BABAM1: variants seen among roughly 807,000 people sequenced by gnomAD.
The protein encoded by BABAM1 is BRISC and BRCA1 A complex member 1.
Under a neutral mutation model 34.4 loss-of-function variants are expected in BABAM1, and 14 were observed. That is an observed-to-expected ratio of 0.41 (90% CI 0.27 to 0.64). The LOEUF is 0.64. Among genes scored for constraint, BABAM1 ranks in the 30% least tolerant of loss-of-function variants. The probability of loss-of-function intolerance (pLI) is 0.34; values close to 1 mark genes in which losing one functional copy is unlikely to be tolerated. For missense variants in BABAM1, 393 were observed against 434.0 expected (o/e 0.91, Z 0.84); for synonymous variants, 169 against 165.8 (o/e 1.02, Z -0.15).
rs370409652 is a variant in BABAM1 at position 17,268,799 on chromosome 19, C to T, written c.-8C>T. 4.5e-5 allele frequency: 72 copies of T among 1,595,554 alleles called. No homozygotes were observed. The highest frequency in any genetic ancestry group is 6.0e-5 in the Non-Finnish European group (70 of 1,169,476). Reference sequence around the variant, plus strand: ...CCTGTCCGTGTTCCATCTAGCCACACAGGAGCCATGGAAGTGGCAGAGCCC... The same window carrying T: ...CCTGTCCGTGTTCCATCTAGCCACATAGGAGCCATGGAAGTGGCAGAGCCC... On this transcript the variant is annotated 5_prime_UTR_variant, in exon 2 of 9. Transcript: ENST00000598188.
At chr19:17,270,163 C>T (rs966085757) in intron 2 of BABAM1, among the ~76,000 whole-genome samples, 7 of 152,024 alleles carry the variant, frequency 4.6e-5, no homozygotes, top group Admixed American at 3.9e-4. Flanking sequence ...GATCTCTTGA[C>T]CTCGTGATCC....
chr19:17,270,399 T>G (rs1048855799), intron 2 of BABAM1, among the ~76,000 whole-genome samples: 7 of 152,114 alleles, frequency 4.6e-5, no homozygotes, highest in Non-Finnish European at 7.4e-5. Flanking sequence ...CCTTTCTCAC[T>G]GTGTCTCTGT....
chr19:17,272,846 C>T (rs966627853), intron 3 of BABAM1, among the ~76,000 whole-genome samples: 2 of 152,074 alleles, frequency 1.3e-5, no homozygotes, highest in African/African-American at 4.8e-5. Flanking sequence ...GTGAAACCCC[C>T]ACCTCCACTA....
intron 8 of BABAM1, among the ~76,000 whole-genome samples, chr19:17,277,989 AC>A (rs2145626912): frequency 6.6e-6 from 1 of 151,738 alleles, no homozygotes; most frequent in Admixed American, 6.6e-5. Context: ...AGCCTGACCA[AC>A]ATGGAGAAAC....
At chr19:17,271,501 C>A in intron 2 of BABAM1, 96 bp from the exon 3 acceptor site, 1 of 1,383,362 alleles carries the variant, frequency 7.2e-7, no homozygotes, top group Non-Finnish European at 1.0e-6. Flanking sequence ...CACCATACTG[C>A]CTTTTCAGAC....
rs142054713 is a variant in BABAM1 at position 17,274,456 on chromosome 19, G to T, written c.544+271G>T. The T allele has an allele frequency of 2.5e-3, 1,137 of 446,892 alleles. 8 individuals are homozygous for T. Among genetic ancestry groups the T allele is most frequent in the African/African-American group, 0.018 (891 of 50,444 alleles). 27.7% of individuals were successfully genotyped at this position (446,892 alleles called of 1,614,324 possible). On this transcript the variant is annotated intron_variant, in intron 5 of 8. Transcript: ENST00000598188. The stretch of plus-strand genomic sequence containing the variant: ...GGTGGTCCATGCCTATAATCCCAGC[G>T]ACTTGCGAGGCTGAGGCACAAGAAT...
chr19:17,278,832 G>A lies in BABAM1; in HGVS notation c.787-13G>A, dbSNP rs368065543. The A allele has an allele frequency of 3.9e-5, 63 of 1,607,308 alleles. No homozygotes were observed. The highest frequency in any genetic ancestry group is 3.4e-4 in the Admixed American group (20 of 59,192). On this transcript the variant is annotated splice_polypyrimidine_tract_variant and intron_variant, in intron 8 of 8. Transcript: ENST00000598188. ...CCTGAACAGCCCTTCACTGACCCCC[G>A]CCTCCCCGGCAGGATATGTTTGCCT...
chr19:17,267,702 C>T (rs561832960), intron 1 of BABAM1, among the ~76,000 whole-genome samples, 175 bp downstream of exon 1: 270 of 152,280 alleles, frequency 1.8e-3, no homozygotes, highest in African/African-American at 6.2e-3. Flanking sequence ...GGTGTGGGGA[C>T]TGCAAGGCGC....
intron 8 of BABAM1, chr19:17,277,365 T>A (rs139467293): frequency 0.016 from 2,615 of 160,164 alleles, 73 homozygotes; most frequent in African/African-American, 0.06. Flanking sequence ...TCATACCAGG[T>A]TAATTTTTGT....
chr19:17,275,724 T>C (rs2073900250), intron 5 of BABAM1, 77 bp from the exon 6 acceptor site: 1 of 1,591,282 alleles, frequency 6.3e-7, no homozygotes, highest in Non-Finnish European at 8.6e-7. Flanking sequence ...GGGTCTCCTC[T>C]GGTATCGGGA....
Position 17,279,144 on chromosome 19 carries a change from G to A in BABAM1, c.*96G>A. 7.3e-7 allele frequency: 1 copy of A among 1,361,880 alleles called. No homozygotes were observed. 84.4% of individuals were successfully genotyped at this position (1,361,880 alleles called of 1,614,324 possible). On this transcript the variant is annotated 3_prime_UTR_variant, in exon 9 of 9. Transcript: ENST00000598188. ...GTTCCTTGGGACCTCCGGGGTGGGGGGGTTCCAGGAGGCACGTAGGGTACC... is the reference window on the plus strand; with the variant it reads ...GTTCCTTGGGACCTCCGGGGTGGGGAGGTTCCAGGAGGCACGTAGGGTACC...
At position 17,278,896 on chromosome 19, in the gene BABAM1, T is replaced by G. The variant is rs1211116415; in HGVS notation, c.838T>G (p.Tyr280Asp). The change falls in exon 9 of 9, where the codon TAT becomes GAT. Residue 280 changes from tyrosine to aspartate, a missense_variant. Tyr to Asp is a radical substitution (Grantham distance 160). Transcript: ENST00000598188. ...SLDTKGTSYKYEVALAGPALE... is the reference protein window; with the variant it reads ...SLDTKGTSYKDEVALAGPALE... ...GGATACCAAGGGTACCAGCTACAAG[T>G]ATGAGGTGGCACTGGCTGGGCCAGC... 1 of 1,613,598 alleles carries G rather than the reference T, an allele frequency of 6.2e-7. No homozygotes were observed. Among genetic ancestry groups the G allele is most frequent in the South Asian group, 1.1e-5 (1 of 91,024 alleles).
At chr19:17,277,044 G>A in intron 8 of BABAM1, 135 bp downstream of exon 8, 1 of 798,428 alleles carries the variant, frequency 1.3e-6, no homozygotes, top group Non-Finnish European at 2.0e-6. Context: ...CATGGCATTG[G>A]TCATTGAACA....
chr19:17,278,561 A>C (rs530634476), intron 8 of BABAM1, among the ~76,000 whole-genome samples: 1 of 152,098 alleles, frequency 6.6e-6, no homozygotes, highest in Non-Finnish European at 1.5e-5. Flanking sequence ...TGCCCGCCTC[A>C]GCCTCCCAAA....
Position 17,278,943 on chromosome 19 carries a change from G to C in BABAM1, c.885G>C (p.Met295Ile), listed in dbSNP as rs747542417. ...CAGCCCTGGAGTTGCACAACTGCAT[G>C]GCGAAACTGTTGGCCCACCCCCTGC... ...AGPALELHNC[M>I]AKLLAHPLQR... Residue 295 changes from methionine to isoleucine, a missense_variant, in exon 9 of 9, where the codon ATG (methionine) becomes ATC (isoleucine). Met to Ile is a conservative substitution (Grantham distance 10). Transcript: ENST00000598188. The C allele has an allele frequency of 6.2e-7, 1 of 1,613,326 alleles. No individual in the cohort carries two copies.
At chr19:17,271,557 A>G (rs2073841034) in intron 2 of BABAM1, 40 bp from the exon 3 acceptor site, 1 of 1,607,236 alleles carries the variant, frequency 6.2e-7, no homozygotes, top group Admixed American at 1.7e-5. Flanking sequence ...GGCCAACGTT[A>G]AGGTCAGAGG....
chr19:17,274,300 T>A, intron 5 of BABAM1, 115 bp downstream of exon 5: 1 of 1,358,192 alleles, frequency 7.4e-7, no homozygotes, highest in Non-Finnish European at 1.0e-6. Flanking sequence ...ATCTCAGATC[T>A]GCCAAGGCTG....
intron 2 of BABAM1, among the ~76,000 whole-genome samples, chr19:17,270,981 C>T (rs554692675): frequency 3.3e-5 from 5 of 151,202 alleles, no homozygotes; most frequent in Non-Finnish European, 7.4e-5. Flanking sequence ...TGAGCCACCA[C>T]GCCTGGCCTC....
In BABAM1 at chr19:17,270,418, C is replaced by T. The variant is rs528557169; in HGVS notation, c.286-1179C>T. ...TCTCACTGTGTCTCTGTGTCTTCTC[C>T]GCTTCTGTCTCCTATAAGGACACTT... On this transcript the variant is annotated intron_variant, in intron 2 of 8. Transcript: ENST00000598188. Among the ~76,000 whole-genome samples the T allele has an allele frequency of 4.2e-4, 64 of 152,204 alleles. 1 individual carries two copies. Among genetic ancestry groups the T allele is most frequent in the South Asian group, 3.1e-3 (15 of 4,824 alleles).
Sources: gnomAD v4.1 joint callset for allele counts (sites outside exome capture counted in the v4.1 genomes callset) on GRCh38, gnomAD v4.1.1 for gene constraint, MANE v1.5 for transcripts, NCBI Gene and HGNC (gene_info 2026-07-23, HGNC 2026-07-21) for gene names.